PKN2: variants seen among roughly 807,000 people sequenced by gnomAD.
PKN2 encodes serine/threonine-protein kinase N2.
In PKN2, 38 loss-of-function variants were observed where a neutral mutation model predicts 119.1. The observed-to-expected ratio is 0.32, with a 90% CI of 0.25 to 0.42. The LOEUF (loss-of-function observed/expected upper bound fraction) is 0.42, where lower values mean the gene tolerates loss of function less well. Ranked by LOEUF, PKN2 falls within the 10% of genes least tolerant of loss-of-function variation. The probability of loss-of-function intolerance (pLI) is 1.00; values close to 1 mark genes in which losing one functional copy is unlikely to be tolerated. For synonymous variants in PKN2, 390 were observed against 384.9 expected (o/e 1.01, Z -0.15); for missense variants, 850 against 1,165.1 (o/e 0.73, Z 3.94).
chr1:88,832,932 T>G, intron 20 of PKN2, 81 bp downstream of exon 20: 1 of 1,205,498 alleles, frequency 8.3e-7, no homozygotes, highest in Non-Finnish European at 1.2e-6. Context: ...AGTAGAACTT[T>G]AAAAGCTGTT....
chr1:88,719,571 A>G (rs929852698), intron 1 of PKN2, among the ~76,000 whole-genome samples: 1 of 152,122 alleles, frequency 6.6e-6, no homozygotes, highest in Non-Finnish European at 1.5e-5. Flanking sequence ...CTCTTACTAT[A>G]TATTTCTTTA....
Position 88,771,776 on chromosome 1 carries a change from A to C in PKN2, c.882A>C (p.Glu294Asp). The C allele has an allele frequency of 6.2e-7, 1 of 1,613,994 alleles. No individual in the cohort carries two copies. The highest frequency in any genetic ancestry group is 1.1e-5 in the South Asian group (1 of 91,082). Residue 294 changes from glutamate (E) to aspartate (D), a missense_variant, in exon 6 of 22, where the codon GAA becomes GAC. Glu to Asp is a conservative substitution (Grantham distance 45, BLOSUM62 2). Transcript: ENST00000370521. ...ATCCCAAAAGCAGGATTATTATTGA[A>C]GAACTTTCACTTGTTGCTGCATCAC... ...KNHPKSRIII[E>D]ELSLVAASPT...
intron 8 of PKN2, among the ~76,000 whole-genome samples, chr1:88,801,724 A>T (rs1671318544): frequency 6.6e-6 from 1 of 152,260 alleles, no homozygotes; most frequent in Admixed American, 6.5e-5. Context: ...GCACGGAGAC[A>T]AAGGATCTCT....
intron 1 of PKN2, among the ~76,000 whole-genome samples, chr1:88,735,818 G>A (rs1668326186): frequency 2.0e-5 from 3 of 151,634 alleles, no homozygotes; most frequent in Admixed American, 6.6e-5. Flanking sequence ...CACTTATTTG[G>A]GCTGTATCTG....
chr1:88,706,906 A>G (rs1667026416), intron 1 of PKN2, among the ~76,000 whole-genome samples: 1 of 151,906 alleles, frequency 6.6e-6, no homozygotes, highest in East Asian at 1.9e-4. Context: ...AATTCATTCC[A>G]TTTTGGTCAA....
At position 88,836,243 on chromosome 1, in the gene PKN2, CAG is replaced by C. The variant is rs913811151; in HGVS notation, c.*2797_*2798del. Reference sequence around the variant, plus strand: ...TTCTCAAAAAGGCAAATGAATAAAACAGAATACTAGTATTTTATAGTAATCTT... The same window carrying C: ...TTCTCAAAAAGGCAAATGAATAAAACAATACTAGTATTTTATAGTAATCTT... On this transcript the variant is annotated 3_prime_UTR_variant, in exon 22 of 22. Coordinates refer to ENST00000370521, the MANE Select transcript of PKN2 (RefSeq NM_006256.4). 4.6e-5 allele frequency: 7 copies of C among 152,024 alleles called. No homozygotes were observed. The highest frequency in any genetic ancestry group is 1.7e-4 in the African/African-American group (7 of 41,406). The allele number at this position is 152,024 out of a possible 1,614,324, so 9.4% of individuals were successfully genotyped here.
intron 15 of PKN2, among the ~76,000 whole-genome samples, chr1:88,809,168 A>G (rs575051994): frequency 7.0e-4 from 107 of 152,200 alleles, no homozygotes; most frequent in African/African-American, 2.0e-3. Context: ...TGTTTCTCAT[A>G]CACCTCAATC....
chr1:88,725,695 C>T (rs1314583737), intron 1 of PKN2, among the ~76,000 whole-genome samples: 2 of 152,154 alleles, frequency 1.3e-5, no homozygotes, highest in African/African-American at 4.8e-5. Flanking sequence ...GCACTTAGCA[C>T]CTTTTGAAGA....
intron 1 of PKN2, among the ~76,000 whole-genome samples, chr1:88,710,379 A>G (rs1667178880): frequency 1.3e-5 from 2 of 152,210 alleles, no homozygotes; most frequent in African/African-American, 2.4e-5. Context: ...AATTTTGCAT[A>G]AGAACTACTT....
intron 1 of PKN2, among the ~76,000 whole-genome samples, chr1:88,685,473 C>T (rs1032259064): frequency 6.6e-6 from 1 of 152,092 alleles, no homozygotes; most frequent in African/African-American, 2.4e-5. Context: ...CAAAGTAGAT[C>T]GCTTAGTTAA....
intron 18 of PKN2, among the ~76,000 whole-genome samples, chr1:88,826,268 A>C (rs1399290219): frequency 1.3e-5 from 2 of 152,218 alleles, no homozygotes; most frequent in Non-Finnish European, 2.9e-5. Context: ...AACCAGACTT[A>C]TTAATGCATT....
intron 6 of PKN2, chr1:88,780,986 CAA>C (rs1670315538): frequency 1.6e-6 from 1 of 626,184 alleles, no homozygotes; most frequent in Non-Finnish European, 2.0e-6. Context: ...GAACTTTACT[CAA>C]AGTTATATAA....
intron 1 of PKN2, among the ~76,000 whole-genome samples, chr1:88,694,994 G>T (rs550899462): frequency 1.3e-5 from 2 of 152,148 alleles, no homozygotes; most frequent in African/African-American, 2.4e-5. Context: ...GGGCGTGGTG[G>T]CGGGCGCCTG....
intron 2 of PKN2, 87 bp downstream of exon 2, chr1:88,741,375 A>C (rs1481980460): frequency 4.6e-6 from 4 of 878,152 alleles, no homozygotes; most frequent in Middle Eastern, 3.7e-4. Flanking sequence ...GGGGACATGA[A>C]TAGTTTTTAG....
chr1:88,780,657 A>T (rs1037322934), intron 6 of PKN2, among the ~76,000 whole-genome samples: 1 of 152,186 alleles, frequency 6.6e-6, no homozygotes, highest in African/African-American at 2.4e-5. Context: ...TATTTGATAC[A>T]TTCAACAAGT....
intron 8 of PKN2, among the ~76,000 whole-genome samples, chr1:88,793,985 A>G (rs1670952092): frequency 6.6e-6 from 1 of 152,200 alleles, no homozygotes; most frequent in African/African-American, 2.4e-5. Context: ...ATATACCACT[A>G]TTTAAACTTC....
chr1:88,733,211 A>G (rs1454956667), intron 1 of PKN2, among the ~76,000 whole-genome samples: 1 of 152,216 alleles, frequency 6.6e-6, no homozygotes, highest in African/African-American at 2.4e-5. Flanking sequence ...TATACCCAGT[A>G]GTGGGATTTA....
chr1:88,828,392 A>G, intron 18 of PKN2, 89 bp from the exon 19 acceptor site: 1 of 1,127,544 alleles, frequency 8.9e-7, no homozygotes, highest in Non-Finnish European at 1.3e-6. Flanking sequence ...GTGCAACTTT[A>G]ATTTTGCCTC....
At chr1:88,804,619 T>TA in intron 9 of PKN2, 85 bp downstream of exon 9, 2 of 1,336,624 alleles carry the variant, frequency 1.5e-6, no homozygotes, top group Non-Finnish European at 2.1e-6. Context: ...GAAAGAGTGT[T>TA]AGGCTGAAAG....
Sources: gnomAD v4.1 joint callset for allele counts (sites outside exome capture counted in the v4.1 genomes callset) on GRCh38, gnomAD v4.1.1 for gene constraint, MANE v1.5 for transcripts, NCBI Gene and HGNC (gene_info 2026-07-23, HGNC 2026-07-21) for gene names.